Variants in KCNH8 observed in about 807,000 individuals in gnomAD.
KCNH8 encodes the protein voltage-gated delayed rectifier potassium channel KCNH8.
A neutral mutation model predicts 103.6 loss-of-function variants in KCNH8; 70 were observed. The observed-to-expected ratio is 0.68, with a 90% CI of 0.56 to 0.82. The LOEUF (loss-of-function observed/expected upper bound fraction) is 0.82. Among genes scored for constraint, KCNH8 ranks in the 40% least tolerant of loss-of-function variants. KCNH8 has a pLI of 0.00. For missense variants in KCNH8, 1,217 were observed against 1,329.9 expected (o/e 0.92, Z 1.32); for synonymous variants, 498 against 489.4 (o/e 1.02, Z -0.23).
chr3:19,348,262 A>G (rs2065754254), intron 5 of KCNH8, among the ~76,000 whole-genome samples: 1 of 152,066 alleles, frequency 6.6e-6, no homozygotes, highest in Admixed American at 6.6e-5. Context: ...CACATCCTTC[A>G]TGATCTTAAA....
chr3:19,418,445 C>T (rs2066895048), intron 7 of KCNH8, among the ~76,000 whole-genome samples: 1 of 152,168 alleles, frequency 6.6e-6, no homozygotes, highest in African/African-American at 2.4e-5. Context: ...TTGGCCACAT[C>T]TGAGTTTTCT....
intron 7 of KCNH8, among the ~76,000 whole-genome samples, chr3:19,414,995 A>G (rs1431919305): frequency 6.6e-6 from 1 of 151,998 alleles, no homozygotes; most frequent in African/African-American, 2.4e-5. Flanking sequence ...AAAGCCCTTC[A>G]GTTCTCACTT....
chr3:19,164,524 C>G (rs937074487), intron 1 of KCNH8, among the ~76,000 whole-genome samples: 1 of 152,124 alleles, frequency 6.6e-6, no homozygotes, highest in Non-Finnish European at 1.5e-5. Flanking sequence ...AATAAATTGT[C>G]AAAAGTCACA....
chr3:19,286,103 G>A lies in KCNH8; in HGVS notation c.442+4774G>A, dbSNP rs117672010. 2.6e-5 allele frequency among the ~76,000 whole-genome samples: 4 copies of A among 152,212 alleles called. No homozygotes were observed. The East Asian group carries it at 7.7e-4, about 29-fold the overall frequency. On this transcript the variant is annotated intron_variant, in intron 3 of 15. Transcript: ENST00000328405. The stretch of plus-strand genomic sequence containing the variant: ...AAGTTCAACCCTAAGGAGTTTAGGT[G>A]GTATGCAGATATATTTCAGAGTTAG...
chr3:19,355,495 A>G (rs1221124499), intron 5 of KCNH8, among the ~76,000 whole-genome samples: 1 of 152,216 alleles, frequency 6.6e-6, no homozygotes, highest in Admixed American at 6.5e-5. Context: ...AATGTCCATC[A>G]ATGATAGACT....
chr3:19,280,867 G>A (rs890964451), intron 2 of KCNH8, among the ~76,000 whole-genome samples: 10 of 152,008 alleles, frequency 6.6e-5, no homozygotes, highest in African/African-American at 2.4e-4. Flanking sequence ...GGGTGGGAAG[G>A]GGCAATCTCT....
intron 11 of KCNH8, among the ~76,000 whole-genome samples, chr3:19,491,987 G>C (rs1343161565): frequency 6.6e-6 from 1 of 152,034 alleles, no homozygotes; most frequent in Non-Finnish European, 1.5e-5. Flanking sequence ...AGAGGAATCT[G>C]TTCATGTCTT....
intron 11 of KCNH8, among the ~76,000 whole-genome samples, chr3:19,487,048 G>C (rs890356313): frequency 1.3e-5 from 2 of 152,184 alleles, no homozygotes; most frequent in Non-Finnish European, 2.9e-5. Flanking sequence ...GGTCGTTCAT[G>C]TACAAAAGCA....
At chr3:19,448,169 ATTT>A in intron 8 of KCNH8, among the ~76,000 whole-genome samples, 1 of 151,922 alleles carries the variant, frequency 6.6e-6, no homozygotes, top group African/African-American at 2.4e-5. Flanking sequence ...TAAAAAATAC[ATTT>A]GTCTTTAAAT....
chr3:19,298,854 G>A (rs1393618519), intron 3 of KCNH8, among the ~76,000 whole-genome samples: 3 of 149,610 alleles, frequency 2.0e-5, no homozygotes, highest in East Asian at 4.0e-4. Flanking sequence ...CCCGGGAGGC[G>A]CAGCTTGCAG....
intron 3 of KCNH8, among the ~76,000 whole-genome samples, chr3:19,324,848 A>G (rs926115378): frequency 6.6e-6 from 1 of 152,188 alleles, no homozygotes; most frequent in African/African-American, 2.4e-5. Context: ...TTTAAAATTC[A>G]TGTGGAACCA....
In KCNH8 at chr3:19,438,200, C is replaced by T; in HGVS notation, c.1214C>T (p.Pro405Leu). 6.2e-7 allele frequency: 1 copy of T among 1,614,018 alleles called. No homozygotes were observed. The highest frequency in any genetic ancestry group is 8.5e-7 in the Non-Finnish European group (1 of 1,180,006). ...LHELGKRLESPYYGNNTLGGP... is the reference protein window; with the variant it reads ...LHELGKRLESLYYGNNTLGGP... Reference sequence around the variant, plus strand: ...GAGTTGGGAAAGAGACTGGAATCTCCATACTATGGCAACAATACCTTGGGG... The same window carrying T: ...GAGTTGGGAAAGAGACTGGAATCTCTATACTATGGCAACAATACCTTGGGG... Residue 405 changes from proline to leucine, a missense_variant, in exon 8 of 16, where the codon CCA becomes CTA. Physicochemically the swap from Pro to Leu is moderately conservative, Grantham distance 98. Transcript: ENST00000328405.
Position 19,419,194 on chromosome 3 carries a change from GGTT to G in KCNH8, c.1178-18969_1178-18967del, listed in dbSNP as rs2066908941. ...AAAAAGAAGTAATTAAAATGGTTTT[GGTT>G]TTTTTTTTTTTTTTTTTTTTGAGAC... On this transcript the variant is annotated intron_variant, in intron 7 of 15. Coordinates refer to ENST00000328405, the MANE Select transcript of KCNH8 (RefSeq NM_144633.3). Among the ~76,000 whole-genome samples the G allele has an allele frequency of 6.2e-5, 4 of 64,118 alleles. 1 individual carries two copies. Among genetic ancestry groups the G allele is most frequent in the African/African-American group, 1.4e-4 (2 of 14,076 alleles). 42.1% of individuals were successfully genotyped at this position (64,118 alleles called of 152,430 possible).
intron 5 of KCNH8, among the ~76,000 whole-genome samples, chr3:19,366,496 C>T (rs1225709227): frequency 6.6e-6 from 1 of 151,950 alleles, no homozygotes; most frequent in Non-Finnish European, 1.5e-5. Flanking sequence ...TTGTTTTGAA[C>T]AAGGCAGGGA....
intron 1 of KCNH8, among the ~76,000 whole-genome samples, chr3:19,215,740 C>G (rs2063812088): frequency 6.6e-6 from 1 of 152,156 alleles, no homozygotes; most frequent in Non-Finnish European, 1.5e-5. Flanking sequence ...ACAAACAAAC[C>G]AATAAATGAA....
intron 10 of KCNH8, among the ~76,000 whole-genome samples, chr3:19,455,352 G>A (rs567851422): frequency 7.2e-5 from 11 of 152,172 alleles, no homozygotes; most frequent in Admixed American, 3.3e-4. Context: ...ATAACTAAAC[G>A]TAAGTTATAG....
At chr3:19,150,494 A>G (rs988602063) in intron 1 of KCNH8, among the ~76,000 whole-genome samples, 5 of 152,164 alleles carry the variant, frequency 3.3e-5, no homozygotes, top group Admixed American at 1.3e-4. Context: ...TGTGTAGTGA[A>G]TCATCCCAGC....
intron 8 of KCNH8, among the ~76,000 whole-genome samples, chr3:19,440,000 AAAAG>A (rs772971974): frequency 9.9e-5 from 15 of 151,986 alleles, no homozygotes; most frequent in Non-Finnish European, 1.2e-4. Flanking sequence ...GCAGGCAGGC[AAAAG>A]AAAGAAAGAA....
At chr3:19,166,382 C>T (rs978010692) in intron 1 of KCNH8, among the ~76,000 whole-genome samples, 1 of 152,100 alleles carries the variant, frequency 6.6e-6, no homozygotes, top group African/African-American at 2.4e-5. Context: ...TGATTAAAAA[C>T]TGCACATGCA....
Sources: allele counts gnomAD v4.1 joint callset (sites outside exome capture counted in the v4.1 genomes callset), GRCh38; gene constraint gnomAD v4.1.1; transcripts MANE v1.5; gene names NCBI Gene and HGNC (gene_info 2026-07-23, HGNC 2026-07-21).